Variants in PPP2CA observed in about 807,000 individuals in gnomAD.
PPP2CA encodes serine/threonine-protein phosphatase 2A catalytic subunit alpha isoform.
A neutral mutation model predicts 38.8 loss-of-function variants in PPP2CA; 5 were observed. The observed-to-expected ratio is 0.13, with a 90% CI of 0.07 to 0.27. The LOEUF (loss-of-function observed/expected upper bound fraction) is 0.27. Among genes scored for constraint, PPP2CA ranks in the 10% least tolerant of loss-of-function variants. PPP2CA has a pLI of 1.00. For missense variants in PPP2CA, 88 were observed against 389.7 expected (o/e 0.23, Z 6.52); for synonymous variants, 152 against 134.0 (o/e 1.13, Z -0.93).
intron 1 of PPP2CA, among the ~76,000 whole-genome samples, chr5:134,215,611 A>T (rs1762300250): frequency 6.6e-6 from 1 of 151,406 alleles, no homozygotes; most frequent in African/African-American, 2.4e-5. Context: ...AAAAAGTAAA[A>T]ATTTTGTTGT....
intron 1 of PPP2CA, among the ~76,000 whole-genome samples, chr5:134,217,630 T>C (rs1197516369): frequency 2.0e-5 from 3 of 152,202 alleles, no homozygotes; most frequent in Non-Finnish European, 4.4e-5. Context: ...AAATCCAAGG[T>C]TTGTGATAAG....
At chr5:134,205,388 CTTTT>C (rs5871528) in intron 2 of PPP2CA, among the ~76,000 whole-genome samples, 1 of 138,242 alleles carries the variant, frequency 7.2e-6, no homozygotes, top group African/African-American at 2.7e-5. Context: ...TTTTCTTTTC[CTTTT>C]TTTTTTTTTG....
intron 1 of PPP2CA, among the ~76,000 whole-genome samples, chr5:134,217,268 G>A (rs889049764): frequency 1.3e-5 from 2 of 151,418 alleles, no homozygotes; most frequent in Non-Finnish European, 2.9e-5. Flanking sequence ...CAACAAGAGC[G>A]AAACTCCCTT....
Position 134,196,177 on chromosome 5 carries a change from A to G in PPP2CA, c.*1595T>C, listed in dbSNP as rs1459114047. ...AAAAATACTATCAATTAGATCAGAA[A>G]AGACATTCGGTATGTATGTGTTCCT... On this transcript the variant is annotated 3_prime_UTR_variant, in exon 7 of 7. Coordinates refer to ENST00000481195, the MANE Select transcript of PPP2CA (RefSeq NM_002715.4). 6.6e-6 allele frequency: 1 copy of G among 152,252 alleles called. No homozygotes were observed. The highest frequency in any genetic ancestry group is 2.4e-5 in the African/African-American group (1 of 41,472). 9.4% of individuals were successfully genotyped at this position (152,252 alleles called of 1,614,324 possible).
intron 3 of PPP2CA, 85 bp from the exon 4 acceptor site, chr5:134,201,159 C>T: frequency 1.9e-6 from 2 of 1,042,256 alleles, no homozygotes; most frequent in South Asian, 2.7e-5. Flanking sequence ...TGCCTGTAAC[C>T]CCAGCACTTT....
At chr5:134,209,033 C>T (rs995742885) in intron 1 of PPP2CA, among the ~76,000 whole-genome samples, 1 of 152,020 alleles carries the variant, frequency 6.6e-6, no homozygotes, top group Non-Finnish European at 1.5e-5. Context: ...AGAGAAGATA[C>T]TATGAAGTGA....
In PPP2CA at chr5:134,204,907, TTC is replaced by T. The variant is rs538495458; in HGVS notation, c.312+1013_312+1014del. Among the ~76,000 whole-genome samples the T allele has an allele frequency of 8.6e-5, 13 of 151,350 alleles. No homozygotes were observed. In the East Asian group the frequency reaches 2.3e-3, roughly 27 times the overall value. On this transcript the variant is annotated intron_variant, in intron 2 of 6. Transcript: ENST00000481195. Reference sequence around the variant, plus strand: ...TGTTTTCTTGAATTTCTCAGAAAAATTCTTTTTTTTCTTGAACTTCTTCCTCG... The same window carrying T: ...TGTTTTCTTGAATTTCTCAGAAAAATTTTTTTTTCTTGAACTTCTTCCTCG...
chr5:134,199,071 G>A lies in PPP2CA; in HGVS notation c.857+15C>T, dbSNP rs367805756. 2.6e-6 allele frequency: 4 copies of A among 1,568,312 alleles called. No individual in the cohort carries two copies. Among genetic ancestry groups the A allele is most frequent in the Non-Finnish European group, 3.5e-6 (4 of 1,138,562 alleles). On this transcript the variant is annotated intron_variant, in intron 6 of 6. Transcript: ENST00000481195. ...ATTCAGTAATGCAAGAAAATGTTCA[G>A]GTAGAATTACTTACAAAGAGTATTT...
At chr5:134,204,758 C>G (rs909226877) in intron 2 of PPP2CA, among the ~76,000 whole-genome samples, 1 of 152,126 alleles carries the variant, frequency 6.6e-6, no homozygotes, top group Non-Finnish European at 1.5e-5. Flanking sequence ...CCACTGCACC[C>G]AGCCTAGTCT....
intron 1 of PPP2CA, among the ~76,000 whole-genome samples, chr5:134,221,602 T>G (rs1368163986): frequency 2.0e-5 from 3 of 152,094 alleles, no homozygotes; most frequent in Admixed American, 6.5e-5. Flanking sequence ...AACTGAATAA[T>G]AATTACTCTT....
chr5:134,222,233 T>A (rs2149389085), intron 1 of PPP2CA, among the ~76,000 whole-genome samples: 1 of 152,254 alleles, frequency 6.6e-6, no homozygotes, highest in South Asian at 2.1e-4. Flanking sequence ...ATGATAAAAA[T>A]AATGTTCTGT....
At chr5:134,203,117 T>C (rs550062468) in intron 2 of PPP2CA, among the ~76,000 whole-genome samples, 1 of 152,116 alleles carries the variant, frequency 6.6e-6, no homozygotes, top group Non-Finnish European at 1.5e-5. Context: ...AATATCTGAA[T>C]ACAAGTACTT....
chr5:134,201,676 A>T lies in PPP2CA; in HGVS notation c.486+172T>A, dbSNP rs116471898. On this transcript the variant is annotated intron_variant, in intron 3 of 6. Transcript: ENST00000481195. ...ATATAAAGAATAATGCACTTAAAAA[A>T]GTTGGACACATTTGTCAAATTAAAT... Among the ~76,000 whole-genome samples, 542 of 152,366 alleles carry T rather than the reference A, an allele frequency of 3.6e-3. 2 individuals carry two copies. The highest frequency in any genetic ancestry group is 0.012 in the African/African-American group (516 of 41,588).
At position 134,196,610 on chromosome 5, in the gene PPP2CA, A is replaced by G. The variant is rs1761857157; in HGVS notation, c.*1162T>C. 1 of 152,240 alleles carries G rather than the reference A, an allele frequency of 6.6e-6. No individual in the cohort carries two copies. 9.4% of individuals were successfully genotyped at this position (152,240 alleles called of 1,614,324 possible). On this transcript the variant is annotated 3_prime_UTR_variant, in exon 7 of 7. Coordinates refer to ENST00000481195, the MANE Select transcript of PPP2CA (RefSeq NM_002715.4). Reference sequence around the variant, plus strand: ...CTAAGAACATATGACTCAACAATGTACAAAGATTTAAGAATTTGCCAATCT... The same window carrying G: ...CTAAGAACATATGACTCAACAATGTGCAAAGATTTAAGAATTTGCCAATCT...
At chr5:134,202,146 T>C (rs1211571742) in intron 2 of PPP2CA, 125 bp from the exon 3 acceptor site, 2 of 943,816 alleles carry the variant, frequency 2.1e-6, no homozygotes, top group African/African-American at 1.7e-5. Flanking sequence ...CATCCTCATA[T>C]CATAGTGAAC....
intron 1 of PPP2CA, 127 bp downstream of exon 1, chr5:134,225,633 G>A: frequency 1.4e-6 from 1 of 728,628 alleles, no homozygotes; most frequent in Non-Finnish European, 2.0e-6. Context: ...GCCAGGATGG[G>A]CGCCGGTCTC....
Position 134,225,695 on chromosome 5 carries a change from A to C in PPP2CA, c.102+65T>G, listed in dbSNP as rs1052254545. 112 of 1,497,786 alleles carry C rather than the reference A, an allele frequency of 7.5e-5. 1 individual carries two copies. Among genetic ancestry groups the C allele is most frequent in the Admixed American group, 1.6e-4 (9 of 57,400 alleles). The allele number at this position is 1,497,786 out of a possible 1,614,324, so 92.8% of individuals were successfully genotyped here. A position where few individuals can be genotyped will look rare whatever the true frequency, so the allele number is the denominator to read the frequency against. On this transcript the variant is annotated intron_variant, in intron 1 of 6. Transcript: ENST00000481195. Reference sequence around the variant, plus strand: ...GCCTCCGCCATGTTGCACCCTCCTCACGGCCGCCTTTTCCTCGGCGGGCTC... The same window carrying C: ...GCCTCCGCCATGTTGCACCCTCCTCCCGGCCGCCTTTTCCTCGGCGGGCTC...
intron 1 of PPP2CA, among the ~76,000 whole-genome samples, chr5:134,217,539 G>A (rs753049625): frequency 6.6e-6 from 1 of 152,102 alleles, no homozygotes; most frequent in Non-Finnish European, 1.5e-5. Flanking sequence ...AATATCCCAA[G>A]AGAATTTCAT....
rs566995678 is a variant in PPP2CA at position 134,195,303 on chromosome 5, T to G, written c.*2469A>C. On this transcript the variant is annotated 3_prime_UTR_variant, in exon 7 of 7. Coordinates refer to ENST00000481195, the MANE Select transcript of PPP2CA (RefSeq NM_002715.4). ...TCTGGCTCTGTCACCCAGACTGGAG[T>G]ACAGTGGCACAATCTCAGCCCACTG... is the stretch of plus-strand genomic sequence containing the variant. The G allele has an allele frequency of 6.6e-6, 1 of 152,256 alleles. No homozygotes were observed. Among genetic ancestry groups the G allele is most frequent in the South Asian group, 2.1e-4 (1 of 4,826 alleles). The allele number at this position is 152,256 out of a possible 1,614,324, so 9.4% of individuals were successfully genotyped here.
Sources: gnomAD v4.1 joint callset for allele counts (sites outside exome capture counted in the v4.1 genomes callset) on GRCh38, gnomAD v4.1.1 for gene constraint, MANE v1.5 for transcripts, NCBI Gene and HGNC (gene_info 2026-07-23, HGNC 2026-07-21) for gene names.